Variants in HDLBP observed in about 807,000 individuals in gnomAD.
HDLBP encodes the protein vigilin.
HDLBP carries 30 observed loss-of-function variants against 137.3 expected under a neutral mutation model. The ratio of observed to expected loss-of-function variants is 0.22; its 90% CI spans 0.16 to 0.30. The LOEUF is 0.30. Among genes scored for constraint, HDLBP ranks in the 10% least tolerant of loss-of-function variants. The pLI is 1.00. For missense variants in HDLBP, 1,119 were observed against 1,667.3 expected, an observed-to-expected ratio of 0.67 and a Z score of 5.73; for synonymous variants, 606 against 596.0, an observed-to-expected ratio of 1.02 and a Z score of -0.24.
In HDLBP at chr2:241,272,700, C is replaced by T. The variant is rs2074196607; in HGVS notation, c.-102-4159G>A. On this transcript the variant is annotated intron_variant, in intron 1 of 27. Coordinates refer to ENST00000310931, the MANE Select transcript of HDLBP (RefSeq NM_005336.6). The surrounding 1 kb of genome is among the most constrained non-coding windows in gnomAD (Gnocchi z 5.6). ...AGCCACCCCCCACCCCCCCGCCCGG[C>T]AGCCCGCCCGCCCCGTCCGCCCGCC... 4.3e-6 allele frequency: 3 copies of T among 705,248 alleles called. No homozygotes were observed. In the South Asian group the frequency reaches 1.9e-4, roughly 45 times the overall value. The allele number at this position is 705,248 out of a possible 1,614,324, so 43.7% of individuals were successfully genotyped here. A position where few individuals can be genotyped will look rare whatever the true frequency, so the allele number is the denominator to read the frequency against.
chr2:241,305,038 T>C (rs1575056582), intron 1 of HDLBP, among the ~76,000 whole-genome samples: 1 of 152,244 alleles, frequency 6.6e-6, no homozygotes, highest in African/African-American at 2.4e-5. Flanking sequence ...TTTTTATTAC[T>C]ATTATCATCT....
intron 1 of HDLBP, among the ~76,000 whole-genome samples, chr2:241,298,483 G>A (rs1407744003): frequency 6.6e-6 from 1 of 152,106 alleles, no homozygotes; most frequent in East Asian, 1.9e-4. Context: ...TGGCAAAAGG[G>A]TAACAATCAA....
chr2:241,250,794 A>T (rs1469916605), intron 11 of HDLBP: 1 of 152,466 alleles, frequency 6.6e-6, no homozygotes, highest in Non-Finnish European at 1.5e-5. Context: ...AACACAAGAC[A>T]AGAGAAGCAG....
Position 241,262,885 on chromosome 2 carries a change from C to A in HDLBP, c.276G>T (p.Met92Ile). ...CTTGTTCACCTTCTCCAAACTGGTT[C>A]ATATCCTTGTATTTTCTCTCCTCCA... ...VPLEERKYKD[M>I]NQFGEGEQAK... The change falls in exon 5 of 28, where the codon ATG becomes ATT. Residue 92 changes from methionine to isoleucine, a missense_variant. Transcript: ENST00000310931. 1 of 1,614,146 alleles carries A rather than the reference C, an allele frequency of 6.2e-7. No individual in the cohort carries two copies. Among genetic ancestry groups the A allele is most frequent in the Non-Finnish European group, 8.5e-7 (1 of 1,180,006 alleles).
Position 241,239,168 on chromosome 2 carries a change from T to C in HDLBP, c.2611-381A>G, listed in dbSNP as rs748253645. On this transcript the variant is annotated intron_variant, in intron 19 of 27. Transcript: ENST00000310931. This position sits in a 1 kb window ranked among gnomAD's most constrained non-coding sequence, Gnocchi z 4.6. ...GAGGGGACACTCTCTAAAGACTGCTTCTAAAGACCACGTCTTCTCATGACT... is the reference window on the plus strand; with the variant it reads ...GAGGGGACACTCTCTAAAGACTGCTCCTAAAGACCACGTCTTCTCATGACT... Among the ~76,000 whole-genome samples, 11 of 152,184 alleles carry C rather than the reference T, an allele frequency of 7.2e-5. No individual in the cohort carries two copies. The highest frequency in any genetic ancestry group is 2.1e-4 in the South Asian group (1 of 4,830).
At position 241,230,014 on chromosome 2, in the gene HDLBP, C is replaced by T; in HGVS notation, c.3592-53G>A. The T allele has an allele frequency of 1.3e-6, 2 of 1,572,538 alleles. No homozygotes were observed. The highest frequency in any genetic ancestry group is 1.7e-6 in the Non-Finnish European group (2 of 1,157,602). On this transcript the variant is annotated intron_variant, in intron 26 of 27. Transcript: ENST00000310931. This position sits in a 1 kb window ranked among gnomAD's most constrained non-coding sequence, Gnocchi z 5.0. ...TCAGTCTGCCCAGCACCCCCAGCAT[C>T]CCGCCCGCCTGCTCACCCCTGCACC...
intron 11 of HDLBP, among the ~76,000 whole-genome samples, chr2:241,252,239 C>T (rs2072257239): frequency 6.6e-6 from 1 of 151,708 alleles, no homozygotes; most frequent in African/African-American, 2.4e-5. Flanking sequence ...TGGTGGCTCA[C>T]ACTTTTAATC....
intron 1 of HDLBP, among the ~76,000 whole-genome samples, chr2:241,312,360 T>C (rs182415605): frequency 5.9e-5 from 9 of 152,366 alleles, no homozygotes; most frequent in African/African-American, 1.4e-4. Flanking sequence ...GGGATTTCAC[T>C]TCTAAAATGT....
chr2:241,266,701 G>A, intron 3 of HDLBP, 93 bp downstream of exon 3: 2 of 867,182 alleles, frequency 2.3e-6, no homozygotes, highest in Non-Finnish European at 3.9e-6. Flanking sequence ...AGGGCCAAAA[G>A]GTACTTCTAG....
chr2:241,300,383 C>T (rs1253479870), intron 1 of HDLBP, among the ~76,000 whole-genome samples: 1 of 152,074 alleles, frequency 6.6e-6, no homozygotes, highest in Non-Finnish European at 1.5e-5. Flanking sequence ...CACTGCCCAG[C>T]GAGAATTAGG....
intron 11 of HDLBP, among the ~76,000 whole-genome samples, chr2:241,252,583 G>A (rs1435776656): frequency 6.6e-6 from 1 of 152,238 alleles, no homozygotes; most frequent in African/African-American, 2.4e-5. Context: ...CAGATCAGCA[G>A]TTTCCACGTT....
chr2:241,301,072 G>A (rs1044189749), intron 1 of HDLBP, among the ~76,000 whole-genome samples: 1 of 151,272 alleles, frequency 6.6e-6, no homozygotes, highest in African/African-American at 2.4e-5. Flanking sequence ...CGCCTCCTGG[G>A]TTCATGCCAT....
At chr2:241,309,945 C>T (rs1559561491) in intron 1 of HDLBP, among the ~76,000 whole-genome samples, 2 of 152,164 alleles carry the variant, frequency 1.3e-5, no homozygotes, top group African/African-American at 4.8e-5. Flanking sequence ...AGCCAGGTGC[C>T]TCTGCAGTGA....
At chr2:241,314,703 G>A (rs1189692969) in intron 1 of HDLBP, among the ~76,000 whole-genome samples, 1 of 152,202 alleles carries the variant, frequency 6.6e-6, no homozygotes, top group South Asian at 2.1e-4. Context: ...GTCGAATGGA[G>A]AGGATATGTA....
intron 1 of HDLBP, among the ~76,000 whole-genome samples, chr2:241,296,100 CAAA>C (rs34959720): frequency 3.5e-5 from 3 of 85,678 alleles, no homozygotes; most frequent in East Asian, 4.5e-4. Flanking sequence ...GAAAATTTTG[CAAA>C]AAAAAAAAAA....
At position 241,276,838 on chromosome 2, in the gene HDLBP, G is replaced by C. The variant is rs554865499; in HGVS notation, c.-102-8297C>G. Among the ~76,000 whole-genome samples the C allele has an allele frequency of 2.0e-5, 3 of 152,212 alleles. No individual in the cohort carries two copies. In the East Asian group the frequency reaches 5.8e-4, roughly 29 times the overall value. On this transcript the variant is annotated intron_variant, in intron 1 of 27. Coordinates refer to ENST00000310931, the MANE Select transcript of HDLBP (RefSeq NM_005336.6). Reference sequence around the variant, plus strand: ...AGAAATTGATATATCCAAGGTTAAAGGGTGAGACTGACCCAACTCTCTTGG... The same window carrying C: ...AGAAATTGATATATCCAAGGTTAAACGGTGAGACTGACCCAACTCTCTTGG...
rs944041608 is a variant in HDLBP at position 241,280,157 on chromosome 2, G to A, written c.-102-11616C>T. 2.5e-5 allele frequency: 24 copies of A among 978,480 alleles called. No individual in the cohort carries two copies. The South Asian group carries it at 3.3e-4, about 13-fold the overall frequency. The allele number at this position is 978,480 out of a possible 1,614,324, so 60.6% of individuals were successfully genotyped here. A position where few individuals can be genotyped will look rare whatever the true frequency, so the allele number is the denominator to read the frequency against. ...TCCCATACTGAGTGTGGTGGTCAAA[G>A]TCAGGTCAAAGAAATGTTTCCATCC... On this transcript the variant is annotated intron_variant, in intron 1 of 27. Transcript: ENST00000310931.
intron 1 of HDLBP, among the ~76,000 whole-genome samples, chr2:241,294,761 T>A (rs1434341271): frequency 1.3e-5 from 2 of 152,186 alleles, no homozygotes; most frequent in Non-Finnish European, 2.9e-5. Context: ...TGGTCTGTTC[T>A]AGGGATACAG....
rs1345871483 is a variant in HDLBP at position 241,255,564 on chromosome 2, G to C, written c.890C>G (p.Thr297Ser). 1.2e-6 allele frequency: 2 copies of C among 1,613,112 alleles called. No homozygotes were observed. The highest frequency in any genetic ancestry group is 1.7e-6 in the Non-Finnish European group (2 of 1,179,050). The change falls in exon 8 of 28, where the codon ACC becomes AGC. Residue 297 changes from threonine to serine, a missense_variant. Physicochemically the swap from Thr to Ser is moderately conservative, Grantham distance 58. This residue lies in a region of HDLBP where 425 missense variants were observed against 693.9 expected (regional missense o/e 0.61). Transcript: ENST00000310931. The part of the protein sequence containing the change: ...IYEEKKKKTT[T>S]IAVEVKKSQH... ...GGATTTCTTCACTTCCACTGCAATG[G>C]TTGTAGTCTTCTTTTTCTAAATAAG...
Sources: allele counts gnomAD v4.1 joint callset (sites outside exome capture counted in the v4.1 genomes callset), GRCh38; gene constraint gnomAD v4.1.1; regional missense constraint gnomAD v4.1.1; non-coding constraint Gnocchi (gnomAD v3.1); transcripts MANE v1.5; gene names NCBI Gene and HGNC (gene_info 2026-07-23, HGNC 2026-07-21).